Variants in DYM observed in about 807,000 individuals in gnomAD.
The protein encoded by DYM is dyggve-Melchior-Clausen syndrome protein.
DYM carries 78 observed loss-of-function variants against 93.1 expected under a neutral mutation model. The ratio of observed to expected loss-of-function variants is 0.84; its 90% confidence interval spans 0.70 to 1.01. The LOEUF (loss-of-function observed/expected upper bound fraction) is 1.01. Ranked by LOEUF, DYM falls within the 50% of genes least tolerant of loss-of-function variation. The probability of loss-of-function intolerance (pLI) is 0.00; values close to 1 mark genes in which losing one functional copy is unlikely to be tolerated. For synonymous variants in DYM, 321 were observed against 319.7 expected (o/e 1.00, Z -0.04); for missense variants, 789 against 845.0 (o/e 0.93, Z 0.82).
intron 14 of DYM, among the ~76,000 whole-genome samples, chr18:49,202,853 G>T (rs1206689684): frequency 1.0e-5 from 1 of 98,236 alleles, no homozygotes; most frequent in African/African-American, 3.3e-5. Flanking sequence ...CCCCATCTGG[G>T]AAGTGAGGAG....
intron 5 of DYM, among the ~76,000 whole-genome samples, chr18:49,368,175 T>C (rs980380749): frequency 6.6e-6 from 1 of 152,188 alleles, no homozygotes; most frequent in African/African-American, 2.4e-5. Context: ...TGCTATTATT[T>C]TGGTCAAACA....
At chr18:49,283,686 A>G (rs1297515028) in intron 9 of DYM, among the ~76,000 whole-genome samples, 1 of 152,234 alleles carries the variant, frequency 6.6e-6, no homozygotes, top group Non-Finnish European at 1.5e-5. Flanking sequence ...ACGTTCTAAA[A>G]AGCACCAAAT....
chr18:49,111,896 T>C (rs551891436), intron 16 of DYM, among the ~76,000 whole-genome samples: 17 of 152,192 alleles, frequency 1.1e-4, no homozygotes, highest in Non-Finnish European at 2.1e-4. Flanking sequence ...TAGCTTTCTC[T>C]TCCCTTTCTT....
chr18:49,108,250 T>G (rs1186641516), intron 16 of DYM, among the ~76,000 whole-genome samples: 1 of 152,218 alleles, frequency 6.6e-6, no homozygotes, highest in Non-Finnish European at 1.5e-5. Context: ...CTAAGACCGT[T>G]GGAAAAGCAC....
intron 2 of DYM, among the ~76,000 whole-genome samples, chr18:49,399,176 T>A (rs2070474803): frequency 6.6e-6 from 1 of 152,128 alleles, no homozygotes; most frequent in Non-Finnish European, 1.5e-5. Context: ...GAAGTATGAA[T>A]TATGAAACCA....
At chr18:49,304,514 T>C (rs183743421) in intron 8 of DYM, among the ~76,000 whole-genome samples, 97 of 152,330 alleles carry the variant, frequency 6.4e-4, no homozygotes, top group Non-Finnish European at 9.7e-4. Context: ...CCTCCTTGAA[T>C]ACCCTTGATC....
chr18:49,100,923 T>G (rs1188635435), intron 16 of DYM, among the ~76,000 whole-genome samples: 2 of 152,196 alleles, frequency 1.3e-5, no homozygotes, highest in East Asian at 3.8e-4. Context: ...TTAGCTTAGT[T>G]TTTCAAATAG....
chr18:49,342,802 C>T (rs1391631550), intron 6 of DYM, among the ~76,000 whole-genome samples: 1 of 152,178 alleles, frequency 6.6e-6, no homozygotes, highest in African/African-American at 2.4e-5. Context: ...ACATGCTATA[C>T]AGGTTTGTAG....
intron 1 of DYM, among the ~76,000 whole-genome samples, chr18:49,430,883 CA>C (rs11288242): frequency 0.91 from 118,353 of 129,372 alleles, 53,998 homozygotes; most frequent in East Asian, 0.99. Context: ...GACTCCATCT[CA>C]AAAAAAAAAA....
chr18:49,297,818 G>GAA (rs1032602326), intron 8 of DYM, among the ~76,000 whole-genome samples: 1 of 145,568 alleles, frequency 6.9e-6, no homozygotes. Flanking sequence ...GGTGTAATCA[G>GAA]AAAAAAAAAA....
At chr18:49,101,677 C>T (rs993870463) in intron 16 of DYM, among the ~76,000 whole-genome samples, 11 of 152,004 alleles carry the variant, frequency 7.2e-5, no homozygotes, top group Non-Finnish European at 1.0e-4. Context: ...TTTAAGACAA[C>T]GATAAACATG....
At chr18:49,378,503 C>T in intron 5 of DYM, 64 bp downstream of exon 5, 1 of 1,466,070 alleles carries the variant, frequency 6.8e-7, no homozygotes. Flanking sequence ...ACTTTTATTC[C>T]TGAAATTTTA....
chr18:49,438,285 C>CA (rs895314130), intron 1 of DYM, among the ~76,000 whole-genome samples: 13 of 151,930 alleles, frequency 8.6e-5, no homozygotes, highest in African/African-American at 2.7e-4. Context: ...AGAATGTTAA[C>CA]AAAAAAAATC....
intron 13 of DYM, among the ~76,000 whole-genome samples, chr18:49,210,673 C>A (rs1035011640): frequency 1.6e-4 from 24 of 152,020 alleles, no homozygotes; most frequent in African/African-American, 5.8e-4. Context: ...AAGAGTGAAC[C>A]CTAATGTAAA....
chr18:49,367,324 C>T (rs1255693002), intron 5 of DYM, among the ~76,000 whole-genome samples: 1 of 152,212 alleles, frequency 6.6e-6, no homozygotes, highest in East Asian at 1.9e-4. Flanking sequence ...GCTCTAGTCC[C>T]TAAGAACTTC....
At chr18:49,149,611 C>T (rs1225840553) in intron 15 of DYM, among the ~76,000 whole-genome samples, 1 of 151,400 alleles carries the variant, frequency 6.6e-6, no homozygotes, top group Non-Finnish European at 1.5e-5. Flanking sequence ...TTTATTGTCA[C>T]TGGGCAGAGG....
rs117465949 is a variant in DYM at position 49,137,197 on chromosome 18, G to A, written c.1729-18271C>T. On this transcript the variant is annotated intron_variant, in intron 15 of 17. Transcript: ENST00000675505. ...CAAGTAGACATTTCCTTCCTGCACC[G>A]ACCTACTTCATCATGGTGGTGCCAT... Among the ~76,000 whole-genome samples, 526 of 152,132 alleles carry A rather than the reference G, an allele frequency of 3.5e-3. 1 individual carries two copies. The highest frequency in any genetic ancestry group is 7.1e-3 in the South Asian group (34 of 4,812).
chr18:49,113,167 T>A (rs184896808), intron 16 of DYM, among the ~76,000 whole-genome samples: 207 of 152,300 alleles, frequency 1.4e-3, no homozygotes, highest in African/African-American at 4.6e-3. Flanking sequence ...AGTGCTAGTT[T>A]AGAGCTTGAT....
intron 9 of DYM, among the ~76,000 whole-genome samples, chr18:49,283,733 A>T (rs577653480): frequency 6.6e-6 from 1 of 152,362 alleles, no homozygotes; most frequent in African/African-American, 2.4e-5. Context: ...GCACTACCAA[A>T]ACAAAACAAC....
Sources: allele counts gnomAD v4.1 joint callset (sites outside exome capture counted in the v4.1 genomes callset), GRCh38; gene constraint gnomAD v4.1.1; transcripts MANE v1.5; gene names NCBI Gene and HGNC (gene_info 2026-07-23, HGNC 2026-07-21).